Variants in SAP130 observed in about 807,000 individuals in gnomAD.
The protein encoded by SAP130 is Sin3A associated protein 130.
A neutral mutation model predicts 103.2 loss-of-function variants in SAP130; 16 were observed. The ratio of observed to expected loss-of-function variants is 0.16; its 90% CI spans 0.10 to 0.24. SAP130 has a LOEUF of 0.24. Among genes scored for constraint, SAP130 ranks in the 10% least tolerant of loss-of-function variants. The pLI is 1.00. For synonymous variants in SAP130, 477 were observed against 497.0 expected (o/e 0.96, Z 0.53); for missense variants, 990 against 1,359.7 (o/e 0.73, Z 4.28).
chr2:128,027,589 T>C (rs188092502), intron 1 of SAP130, among the ~76,000 whole-genome samples: 10 of 150,282 alleles, frequency 6.7e-5, no homozygotes, highest in Non-Finnish European at 1.3e-4. Flanking sequence ...AGAGTCACTT[T>C]AAACTGCTCC....
At chr2:128,018,796 C>CAA (rs148929300) in intron 2 of SAP130, among the ~76,000 whole-genome samples, 60 of 98,120 alleles carry the variant, frequency 6.1e-4, no homozygotes, top group Middle Eastern at 6.3e-3. Flanking sequence ...GACTTTGTCT[C>CAA]AAAAAAAAAA....
At chr2:128,006,178 A>G (rs574889812) in intron 7 of SAP130, among the ~76,000 whole-genome samples, 14 of 152,154 alleles carry the variant, frequency 9.2e-5, no homozygotes, top group Non-Finnish European at 2.1e-4. Flanking sequence ...TATAGAAACA[A>G]TAAAACACTC....
chr2:127,955,188 G>T lies in SAP130; in HGVS notation c.2220C>A (p.Ala740=). Residue 740 remains alanine (A), a synonymous_variant, in exon 16 of 21, where the codon GCC becomes GCA. Coordinates refer to ENST00000643581, the MANE Select transcript of SAP130 (RefSeq NM_001330301.2). This position sits in a 1 kb window ranked among gnomAD's most constrained non-coding sequence, Gnocchi z 4.9. ...CAACGGCTGGTTGTGACGGGGGACT[G>T]GCTGCTGCAATCATAGTTGGAATGG... is the stretch of plus-strand genomic sequence containing the variant. ...PPTIPTMIAA[A]SPPSQPAVAL... 6.2e-7 allele frequency: 1 copy of T among 1,614,152 alleles called. No homozygotes were observed. The highest frequency in any genetic ancestry group is 8.5e-7 in the Non-Finnish European group (1 of 1,180,034).
chr2:127,956,720 A>G (rs775057834), intron 15 of SAP130, among the ~76,000 whole-genome samples: 1,940 of 151,182 alleles, frequency 0.013, 20 homozygotes, highest in Non-Finnish European at 0.019. Context: ...AAAAAAAAAA[A>G]AAAGAAAGTT....
intron 2 of SAP130, among the ~76,000 whole-genome samples, chr2:128,021,651 G>A (rs753642327): frequency 6.6e-6 from 1 of 152,130 alleles, no homozygotes; most frequent in Non-Finnish European, 1.5e-5. Context: ...AATATCCTCA[G>A]CAACACCAAG....
At chr2:127,951,064 A>G (rs965685289) in intron 16 of SAP130, among the ~76,000 whole-genome samples, 6 of 152,244 alleles carry the variant, frequency 3.9e-5, no homozygotes, top group African/African-American at 2.4e-5. Flanking sequence ...AATCATCTGA[A>G]TAAGTAGGCA....
chr2:127,963,443 C>T (rs554252453), intron 15 of SAP130, among the ~76,000 whole-genome samples: 6 of 152,208 alleles, frequency 3.9e-5, no homozygotes, highest in Admixed American at 1.3e-4. Context: ...TTGCCCAAGC[C>T]GGTCTCGAAC....
chr2:127,947,064 GAC>G (rs1230086665), intron 18 of SAP130, among the ~76,000 whole-genome samples: 1 of 151,454 alleles, frequency 6.6e-6, no homozygotes, highest in Non-Finnish European at 1.5e-5. Flanking sequence ...GAGGCAGAGA[GAC>G]ACAGAGAAGA....
chr2:128,017,910 C>G lies in SAP130; in HGVS notation c.118G>C (p.Asp40His). Residue 40 changes from aspartate (D) to histidine (H), a missense_variant, in exon 3 of 21, where the codon GAT (aspartate) becomes CAT (histidine). Around this residue, in one of 6 missense-constraint regions of SAP130, gnomAD observed 167 missense variants for 187.4 expected, o/e 0.89. Coordinates refer to ENST00000643581, the MANE Select transcript of SAP130 (RefSeq NM_001330301.2). ...GLINPAATVN[D>H]ESGRDSEVSA... Reference sequence around the variant, plus strand: ...ACTTCAGAATCTCGACCAGATTCATCATTGACTAGTAAAGACATTAAGAGT... The same window carrying G: ...ACTTCAGAATCTCGACCAGATTCATGATTGACTAGTAAAGACATTAAGAGT... The G allele has an allele frequency of 6.2e-7, 1 of 1,613,190 alleles. No homozygotes were observed. The highest frequency in any genetic ancestry group is 8.5e-7 in the Non-Finnish European group (1 of 1,179,224).
chr2:128,002,318 G>A (rs1382901585), intron 7 of SAP130, among the ~76,000 whole-genome samples: 1 of 152,004 alleles, frequency 6.6e-6, no homozygotes, highest in Non-Finnish European at 1.5e-5. Flanking sequence ...GAGGCAAGTG[G>A]ATCAAGTTCA....
chr2:127,958,534 T>G (rs1272025154), intron 15 of SAP130, among the ~76,000 whole-genome samples: 1 of 152,198 alleles, frequency 6.6e-6, no homozygotes, highest in Non-Finnish European at 1.5e-5. Context: ...AAATCATATC[T>G]GGGTTTTCAA....
intron 6 of SAP130, 47 bp downstream of exon 6, chr2:128,012,983 T>C: frequency 6.5e-7 from 1 of 1,549,148 alleles, no homozygotes; most frequent in Non-Finnish European, 8.7e-7. Context: ...CCTGGCAGAA[T>C]GAATAACTCC....
In SAP130 at chr2:127,996,588, T is replaced by C. The variant is rs1683192145; in HGVS notation, c.1214-97A>G. ...GCAGCAATCTTAGGAAAGCAAACAA[T>C]TAAAATAAGCCTGGATTTTTAATCA... On this transcript the variant is annotated intron_variant, in intron 10 of 20. Transcript: ENST00000643581. This position sits in a 1 kb window ranked among gnomAD's most constrained non-coding sequence, Gnocchi z 4.3. 1.6e-5 allele frequency: 18 copies of C among 1,113,496 alleles called. No individual in the cohort carries two copies. Among genetic ancestry groups the C allele is most frequent in the Non-Finnish European group, 2.1e-5 (17 of 818,264 alleles). 69.0% of individuals were successfully genotyped at this position (1,113,496 alleles called of 1,614,324 possible).
chr2:128,021,494 T>C (rs1003034535), intron 2 of SAP130, among the ~76,000 whole-genome samples: 5 of 151,034 alleles, frequency 3.3e-5, no homozygotes, highest in East Asian at 3.9e-4. Flanking sequence ...AAGACTGATA[T>C]ACGTTTTCTT....
At position 127,941,941 on chromosome 2, in the gene SAP130, ACCC is replaced by A; in HGVS notation, c.*62_*64del. On this transcript the variant is annotated 3_prime_UTR_variant, in exon 21 of 21. Coordinates refer to ENST00000643581, the MANE Select transcript of SAP130 (RefSeq NM_001330301.2). ...ATGTTCCACTTTGGAAAAAACCAAAACCCTCCCCCCACCCCCACCATCATTCTT... is the reference window on the plus strand; with the variant it reads ...ATGTTCCACTTTGGAAAAAACCAAAATCCCCCCACCCCCACCATCATTCTT... 3.6e-6 allele frequency: 1 copy of A among 276,730 alleles called. No homozygotes were observed. Among genetic ancestry groups the A allele is most frequent in the Non-Finnish European group, 6.9e-6 (1 of 145,390 alleles). The allele number at this position is 276,730 out of a possible 1,614,324, so 17.1% of individuals were successfully genotyped here. A position where few individuals can be genotyped will look rare whatever the true frequency, so the allele number is the denominator to read the frequency against.
At chr2:128,016,581 G>T in intron 3 of SAP130, 34 bp from the exon 4 acceptor site, 1 of 1,579,292 alleles carries the variant, frequency 6.3e-7, no homozygotes, top group South Asian at 1.2e-5. Flanking sequence ...ACATATCAAT[G>T]GCCTCATACT....
chr2:128,010,532 T>A, intron 6 of SAP130, 139 bp from the exon 7 acceptor site: 1 of 900,096 alleles, frequency 1.1e-6, no homozygotes, highest in Non-Finnish European at 1.6e-6. Flanking sequence ...CCATTCCAAT[T>A]AAGGAATTCT....
chr2:127,993,367 G>A, intron 11 of SAP130, 59 bp from the exon 12 acceptor site: 1 of 1,529,898 alleles, frequency 6.5e-7, no homozygotes, highest in Non-Finnish European at 8.8e-7. Flanking sequence ...ACTTTCAAAT[G>A]ATCCTATACC....
At chr2:127,947,142 G>A (rs1054734811) in intron 18 of SAP130, among the ~76,000 whole-genome samples, 1 of 151,782 alleles carries the variant, frequency 6.6e-6, no homozygotes, top group Non-Finnish European at 1.5e-5. Flanking sequence ...ACCAAAGATC[G>A]CTGGCAATCA....
Sources: gnomAD v4.1 joint callset for allele counts (sites outside exome capture counted in the v4.1 genomes callset) on GRCh38, gnomAD v4.1.1 for gene constraint, gnomAD v4.1.1 regional missense constraint, Gnocchi (gnomAD v3.1) non-coding constraint, MANE v1.5 for transcripts, NCBI Gene and HGNC (gene_info 2026-07-23, HGNC 2026-07-21) for gene names.